Variants in ZNRF1 observed in about 807,000 individuals in gnomAD.
The protein encoded by ZNRF1 is E3 ubiquitin-protein ligase ZNRF1.
A neutral mutation model predicts 18.4 loss-of-function variants in ZNRF1; 3 were observed. That is an observed-to-expected ratio of 0.16 (90% confidence interval 0.07 to 0.42). The LOEUF is 0.42. Among genes scored for constraint, ZNRF1 ranks in the 10% least tolerant of loss-of-function variants. The probability of loss-of-function intolerance (pLI) is 0.99; values close to 1 mark genes in which losing one functional copy is unlikely to be tolerated. For synonymous variants in ZNRF1, 157 were observed against 144.2 expected, an observed-to-expected ratio of 1.09 and a Z score of -0.64; for missense variants, 310 against 329.8, an observed-to-expected ratio of 0.94 and a Z score of 0.47.
intron 1 of ZNRF1, among the ~76,000 whole-genome samples, chr16:75,022,860 G>C (rs1307980832): frequency 2.0e-5 from 3 of 152,164 alleles, no homozygotes; most frequent in Admixed American, 2.0e-4. Context: ...CTTGTGCTGA[G>C]AGTCTAGGAG....
chr16:75,011,589 T>G (rs2035001012), intron 1 of ZNRF1, among the ~76,000 whole-genome samples: 1 of 152,174 alleles, frequency 6.6e-6, no homozygotes, highest in Non-Finnish European at 1.5e-5. Flanking sequence ...TAAATACCCA[T>G]GTACATCCTA....
At chr16:75,032,099 G>A (rs1597869253) in intron 1 of ZNRF1, among the ~76,000 whole-genome samples, 1 of 138,180 alleles carries the variant, frequency 7.2e-6, no homozygotes, top group Non-Finnish European at 1.6e-5. Context: ...ATCTTTTCTT[G>A]TGAGGTTTTT....
intron 1 of ZNRF1, among the ~76,000 whole-genome samples, chr16:75,060,720 C>T (rs2145387310): frequency 6.6e-6 from 1 of 152,062 alleles, no homozygotes; most frequent in South Asian, 2.1e-4. Flanking sequence ...TCAAGTGATC[C>T]ACTTGCCTCG....
At chr16:75,015,482 G>A (rs1428440070) in intron 1 of ZNRF1, among the ~76,000 whole-genome samples, 3 of 152,190 alleles carry the variant, frequency 2.0e-5, no homozygotes, top group Non-Finnish European at 4.4e-5. Flanking sequence ...GGCTGAGGCA[G>A]GAGAATCGTT....
intron 2 of ZNRF1, among the ~76,000 whole-genome samples, chr16:75,100,711 C>G (rs1312631076): frequency 3.9e-5 from 6 of 152,154 alleles, no homozygotes; most frequent in Non-Finnish European, 5.9e-5. Flanking sequence ...CCCAGGAAAT[C>G]CTCCTTAAGT....
intron 1 of ZNRF1, among the ~76,000 whole-genome samples, chr16:75,076,813 G>C (rs2035945413): frequency 1.3e-5 from 2 of 151,534 alleles, no homozygotes; most frequent in African/African-American, 2.4e-5. Flanking sequence ...CTTTATGATG[G>C]AATTATTAGT....
intron 1 of ZNRF1, among the ~76,000 whole-genome samples, chr16:75,040,577 TTTTG>T (rs2035431207): frequency 6.7e-6 from 1 of 150,276 alleles, no homozygotes; most frequent in South Asian, 2.1e-4. Context: ...CTCACCATGT[TTTTG>T]TTTTTGTTTT....
In ZNRF1 at chr16:75,004,296, A is replaced by G. The variant is rs2034890619; in HGVS notation, c.424+4201A>G. On this transcript the variant is annotated intron_variant, in intron 1 of 4. Transcript: ENST00000335325. ...ATAGAAGCAGAGTGACTCCCTTTCC[A>G]CGTTAAAAAGTTTTGCTATAACTCC... 2.0e-5 allele frequency among the ~76,000 whole-genome samples: 3 copies of G among 152,108 alleles called. No individual in the cohort carries two copies. The South Asian group carries it at 6.2e-4, about 31-fold the overall frequency.
In ZNRF1 at chr16:75,110,210, G is replaced by A. The variant is rs929486651; in HGVS notation, c.*2510G>A. On this transcript the variant is annotated 3_prime_UTR_variant, in exon 5 of 5. Coordinates refer to ENST00000335325, the MANE Select transcript of ZNRF1 (RefSeq NM_032268.5). ...TGGTGTCCTCTGAATTTGGACCCAG[G>A]TTGCCTGCTCTTGTTGTGGGGGTGG... The A allele has an allele frequency of 6.6e-6, 1 of 152,450 alleles. No individual in the cohort carries two copies. Among genetic ancestry groups the A allele is most frequent in the Non-Finnish European group, 1.5e-5 (1 of 68,206 alleles). 9.4% of individuals were successfully genotyped at this position (152,450 alleles called of 1,614,324 possible).
In ZNRF1 at chr16:75,088,451, A is replaced by C. The variant is rs192665583; in HGVS notation, c.425-5121A>C. Among the ~76,000 whole-genome samples, 122 of 152,342 alleles carry C rather than the reference A, an allele frequency of 8.0e-4. 1 individual carries two copies. Among genetic ancestry groups the C allele is most frequent in the African/African-American group, 2.8e-3 (117 of 41,580 alleles). On this transcript the variant is annotated intron_variant, in intron 1 of 4. Coordinates refer to ENST00000335325, the MANE Select transcript of ZNRF1 (RefSeq NM_032268.5). ...AGTTATAACAGAGTTCCTAGGAAAA[A>C]AAAGTGTCCATTGTTTCAGGCTACA...
chr16:75,049,465 C>T (rs888473506), intron 1 of ZNRF1, among the ~76,000 whole-genome samples: 9 of 151,050 alleles, frequency 6.0e-5, no homozygotes, highest in Non-Finnish European at 1.2e-4. Flanking sequence ...CAGCTGGGAC[C>T]ACAGGTGTGC....
At chr16:75,074,737 AT>A (rs1302360628) in intron 1 of ZNRF1, among the ~76,000 whole-genome samples, 3 of 152,104 alleles carry the variant, frequency 2.0e-5, no homozygotes, top group Non-Finnish European at 4.4e-5. Context: ...AGCTCACTCT[AT>A]TCAATTTTTT....
chr16:75,024,504 T>A (rs539519866), intron 1 of ZNRF1, among the ~76,000 whole-genome samples: 7 of 152,328 alleles, frequency 4.6e-5, no homozygotes, highest in Non-Finnish European at 1.0e-4. Flanking sequence ...AAGAGTTGGG[T>A]TACTTCTTTC....
chr16:75,021,579 C>A (rs1031646770), intron 1 of ZNRF1, among the ~76,000 whole-genome samples: 1 of 152,134 alleles, frequency 6.6e-6, no homozygotes, highest in Admixed American at 6.5e-5. Flanking sequence ...TTTGTCATAA[C>A]CATTGGATAA....
intron 1 of ZNRF1, among the ~76,000 whole-genome samples, chr16:75,001,816 C>A (rs2034853470): frequency 6.6e-6 from 1 of 152,130 alleles, no homozygotes; most frequent in Non-Finnish European, 1.5e-5. Context: ...CTACCAGGTT[C>A]CATGCTACAG....
At chr16:75,076,461 T>C (rs1256224900) in intron 1 of ZNRF1, among the ~76,000 whole-genome samples, 2 of 152,062 alleles carry the variant, frequency 1.3e-5, no homozygotes, top group Admixed American at 6.5e-5. Flanking sequence ...TTCTCTTCCC[T>C]AATGGGTCAT....
At chr16:75,019,060 G>C (rs1035997718) in intron 1 of ZNRF1, among the ~76,000 whole-genome samples, 1 of 152,150 alleles carries the variant, frequency 6.6e-6, no homozygotes, top group Non-Finnish European at 1.5e-5. Flanking sequence ...CAGCTACTCA[G>C]GAGGTTGAGG....
chr16:75,082,730 T>A (rs34353826), intron 1 of ZNRF1, among the ~76,000 whole-genome samples: 18,651 of 152,094 alleles, frequency 0.12, 1,405 homozygotes, highest in Non-Finnish European at 0.17. Context: ...ATTTTTATAT[T>A]TTTGGTAGAG....
At chr16:75,044,371 C>A (rs985496121) in intron 1 of ZNRF1, among the ~76,000 whole-genome samples, 1 of 150,860 alleles carries the variant, frequency 6.6e-6, no homozygotes, top group Non-Finnish European at 1.5e-5. Context: ...GGCATACAGG[C>A]ATGCGCCACC....
Sources: gnomAD v4.1 joint callset for allele counts (sites outside exome capture counted in the v4.1 genomes callset) on GRCh38, gnomAD v4.1.1 for gene constraint, MANE v1.5 for transcripts, NCBI Gene and HGNC (gene_info 2026-07-23, HGNC 2026-07-21) for gene names.